The following AFF2 variants were observed in gnomAD, a reference collection of about 807,000 sequenced individuals.
AFF2 encodes ALF transcription elongation factor 2.
A neutral mutation model predicts 76.9 loss-of-function variants in AFF2; 14 were observed. That is an observed-to-expected ratio of 0.18 (90% CI 0.12 to 0.28). AFF2 has a LOEUF of 0.28. AFF2 is among the 10% of genes least tolerant of loss of function. The probability of loss-of-function intolerance (pLI) is 1.00; values close to 1 mark genes in which losing one functional copy is unlikely to be tolerated. For synonymous variants in AFF2, 398 were observed against 366.7 expected, an observed-to-expected ratio of 1.09 and a Z score of -0.98; for missense variants, 868 against 1,001.1, an observed-to-expected ratio of 0.87 and a Z score of 1.79.
chrX:148,587,089 A>G (rs782162897), intron 1 of AFF2, among the ~76,000 whole-genome samples: 1 of 111,903 alleles, frequency 8.9e-6, no homozygotes, highest in African/African-American at 3.2e-5. Context: ...ACTCTAGCCT[A>G]TACTCTTAAT....
chrX:148,970,923 A>G (rs1371548162), intron 15 of AFF2, among the ~76,000 whole-genome samples: 2 of 111,690 alleles, frequency 1.8e-5, no homozygotes, highest in East Asian at 5.6e-4. Context: ...TACTGTCTAT[A>G]GGACACTACA....
intron 1 of AFF2, among the ~76,000 whole-genome samples, chrX:148,565,611 G>A (rs1178617741): frequency 9.0e-6 from 1 of 110,856 alleles, no homozygotes; most frequent in Non-Finnish European, 1.9e-5. Flanking sequence ...CAAACCTTAG[G>A]GGTACAAATA....
At chrX:148,830,405 TG>T (rs1288021222) in intron 4 of AFF2, among the ~76,000 whole-genome samples, 2 of 112,297 alleles carry the variant, frequency 1.8e-5, no homozygotes, top group African/African-American at 6.5e-5. Context: ...TACAAATGGC[TG>T]TGTGGCTCCC....
chrX:148,628,721 A>T (rs999774596), intron 1 of AFF2, among the ~76,000 whole-genome samples: 1 of 112,362 alleles, frequency 8.9e-6, no homozygotes, highest in Non-Finnish European at 1.9e-5. Flanking sequence ...TGATATGCTA[A>T]TTGCTGTAAA....
intron 1 of AFF2, among the ~76,000 whole-genome samples, chrX:148,519,860 A>T (rs903072394): frequency 2.1e-4 from 24 of 112,225 alleles, no homozygotes; most frequent in Non-Finnish European, 4.3e-4. Context: ...TTACTCTGTT[A>T]GCCTTTTTGT....
At chrX:148,947,759 C>T (rs138543623) in intron 9 of AFF2, among the ~76,000 whole-genome samples, 1,326 of 112,151 alleles carry the variant, frequency 0.012, 21 homozygotes, top group African/African-American at 0.04. Flanking sequence ...AGATCAGCTG[C>T]GGATGTTGAT....
intron 3 of AFF2, among the ~76,000 whole-genome samples, chrX:148,766,338 C>A (rs1250460186): frequency 1.8e-5 from 2 of 110,337 alleles, no homozygotes; most frequent in Admixed American, 9.6e-5. Flanking sequence ...AAAAGTGTTC[C>A]TATTTCTCCA....
chrX:148,976,911 A>G (rs1403557492), intron 16 of AFF2, among the ~76,000 whole-genome samples: 1 of 112,484 alleles, frequency 8.9e-6, no homozygotes, highest in African/African-American at 3.2e-5. Context: ...TGTTCACTCA[A>G]CAGAACTAGA....
At chrX:148,737,391 G>T (rs1261258819) in intron 3 of AFF2, among the ~76,000 whole-genome samples, 1 of 111,382 alleles carries the variant, frequency 9.0e-6, no homozygotes, top group Middle Eastern at 4.2e-3. Flanking sequence ...TGTAAAAGGG[G>T]TTGAGTTCTT....
At chrX:148,588,150 T>TATAC (rs1557246125) in intron 1 of AFF2, among the ~76,000 whole-genome samples, 2 of 113,037 alleles carry the variant, frequency 1.8e-5, no homozygotes, top group African/African-American at 3.2e-5. Flanking sequence ...ACATGGGTCT[T>TATAC]ATACATACCA....
At chrX:148,990,549 A>T (rs912537238) in intron 20 of AFF2, among the ~76,000 whole-genome samples, 3 of 112,728 alleles carry the variant, frequency 2.7e-5, no homozygotes, top group African/African-American at 9.7e-5. Flanking sequence ...TTAGTAGTGT[A>T]GCCTCAGGGC....
intron 3 of AFF2, among the ~76,000 whole-genome samples, chrX:148,756,869 G>T (rs1557266933): frequency 8.9e-6 from 1 of 112,067 alleles, no homozygotes; most frequent in Admixed American, 9.5e-5. Context: ...TAGAACTTTT[G>T]ATTTCTCAAG....
intron 8 of AFF2, among the ~76,000 whole-genome samples, chrX:148,892,246 A>G (rs2071231767): frequency 8.9e-6 from 1 of 112,069 alleles, no homozygotes; most frequent in Non-Finnish European, 1.9e-5. Flanking sequence ...CCAACTAGAC[A>G]CTAGTAGCAG....
At chrX:148,530,955 T>G (rs782322428) in intron 1 of AFF2, among the ~76,000 whole-genome samples, 1 of 111,573 alleles carries the variant, frequency 9.0e-6, no homozygotes, top group African/African-American at 3.3e-5. Flanking sequence ...GAGGAAAAAA[T>G]GGAAAACAGA....
At chrX:148,967,608 G>C in intron 14 of AFF2, 21 bp from the exon 15 acceptor site, 1 of 1,186,934 alleles carries the variant, frequency 8.4e-7, no homozygotes, top group Non-Finnish European at 1.1e-6. Flanking sequence ...GTTTCTGAAA[G>C]AGCTTGTTTT....
chrX:148,911,149 C>T (rs941018758), intron 9 of AFF2, among the ~76,000 whole-genome samples: 1 of 108,674 alleles, frequency 9.2e-6, no homozygotes, highest in East Asian at 2.9e-4. Context: ...TATTTAACTC[C>T]ACACACACAC....
chrX:148,518,771 A>T (rs182254415), intron 1 of AFF2, among the ~76,000 whole-genome samples: 1 of 112,294 alleles, frequency 8.9e-6, no homozygotes, highest in Non-Finnish European at 1.9e-5. Context: ...GCTGCAGTGT[A>T]GACCATTGGC....
At chrX:148,632,485 T>A (rs1197153139) in intron 1 of AFF2, among the ~76,000 whole-genome samples, 1 of 111,593 alleles carries the variant, frequency 9.0e-6, no homozygotes, top group Non-Finnish European at 1.9e-5. Context: ...CAAAGGAGTT[T>A]GAAATATAAA....
At chrX:148,970,482 C>T (rs1356148264) in intron 15 of AFF2, among the ~76,000 whole-genome samples, 3 of 111,448 alleles carry the variant, frequency 2.7e-5, no homozygotes, top group Admixed American at 1.9e-4. Flanking sequence ...ACATAAAATA[C>T]CATATTAGTG....
Sources: gnomAD v4.1 joint callset for allele counts (sites outside exome capture counted in the v4.1 genomes callset) on GRCh38, gnomAD v4.1.1 for gene constraint, MANE v1.5 for transcripts, NCBI Gene and HGNC (gene_info 2026-07-23, HGNC 2026-07-21) for gene names.